The following ROBO1 variants were observed in gnomAD, a reference collection of about 807,000 sequenced individuals.
The protein encoded by ROBO1 is roundabout guidance receptor 1.
ROBO1 carries 149 observed loss-of-function variants against 195.9 expected under a neutral mutation model. The observed-to-expected ratio is 0.76, with a 90% CI of 0.67 to 0.87. ROBO1 has a LOEUF of 0.87. ROBO1 is among the 40% of genes least tolerant of loss of function. The pLI is 0.00. For synonymous variants in ROBO1, 816 were observed against 733.2 expected, an observed-to-expected ratio of 1.11 and a Z score of -1.82; for missense variants, 1,933 against 2,068.3, an observed-to-expected ratio of 0.93 and a Z score of 1.27.
chr3:79,589,675 G>T, intron 2 of ROBO1, 149 bp downstream of exon 2: 2 of 607,728 alleles, frequency 3.3e-6, no homozygotes, highest in East Asian at 2.8e-5. Context: ...AAATTGATCA[G>T]CACTCATACT....
At chr3:79,179,768 A>G (rs1165602517) in intron 2 of ROBO1, among the ~76,000 whole-genome samples, 2 of 152,222 alleles carry the variant, frequency 1.3e-5, no homozygotes, top group Non-Finnish European at 2.9e-5. Flanking sequence ...ATTACATCTG[A>G]TTATGGGAAA....
chr3:78,661,906 T>G, intron 15 of ROBO1, 87 bp downstream of exon 15: 1 of 1,404,430 alleles, frequency 7.1e-7, no homozygotes, highest in Non-Finnish European at 9.7e-7. Context: ...AATGTACAAG[T>G]AGGCAACAGA....
intron 2 of ROBO1, among the ~76,000 whole-genome samples, chr3:79,393,551 A>G (rs928817778): frequency 6.6e-6 from 1 of 152,210 alleles, no homozygotes. Context: ...TGGAATCTTC[A>G]GAAGAGAAAA....
chr3:79,402,287 A>T (rs2037396163), intron 2 of ROBO1, among the ~76,000 whole-genome samples: 1 of 151,942 alleles, frequency 6.6e-6, no homozygotes, highest in South Asian at 2.1e-4. Flanking sequence ...GCCTGTTGGT[A>T]AAAGACACTT....
At chr3:79,632,954 A>G (rs1482159627) in intron 1 of ROBO1, among the ~76,000 whole-genome samples, 4 of 152,116 alleles carry the variant, frequency 2.6e-5, no homozygotes, top group African/African-American at 7.2e-5. Flanking sequence ...ACCCAATAAG[A>G]AGCAAGAAGA....
At chr3:79,406,655 G>T (rs1255212227) in intron 2 of ROBO1, among the ~76,000 whole-genome samples, 3 of 151,788 alleles carry the variant, frequency 2.0e-5, no homozygotes, top group Admixed American at 1.3e-4. Context: ...AAGATAAGGT[G>T]TTTCAGCCAC....
At chr3:79,050,156 C>T (rs555338154) in intron 3 of ROBO1, among the ~76,000 whole-genome samples, 36 of 152,158 alleles carry the variant, frequency 2.4e-4, no homozygotes, top group Middle Eastern at 3.4e-3. Flanking sequence ...ACCCATCTCA[C>T]GTGCAGAAAC....
intron 2 of ROBO1, among the ~76,000 whole-genome samples, chr3:79,515,121 G>A (rs1940887843): frequency 6.6e-6 from 1 of 152,154 alleles, no homozygotes; most frequent in Non-Finnish European, 1.5e-5. Context: ...GCCTGGAGAG[G>A]AGTGGCTTCA....
intron 29 of ROBO1, among the ~76,000 whole-genome samples, chr3:78,602,394 G>A (rs1703230157): frequency 6.6e-6 from 1 of 152,132 alleles, no homozygotes; most frequent in Non-Finnish European, 1.5e-5. Flanking sequence ...AAGCCAAGCG[G>A]ATGTCAACAC....
intron 2 of ROBO1, among the ~76,000 whole-genome samples, chr3:79,448,842 C>G (rs376273287): frequency 6.6e-6 from 1 of 152,080 alleles, no homozygotes; most frequent in Non-Finnish European, 1.5e-5. Flanking sequence ...AGTGAATTAC[C>G]CATCATTAAC....
chr3:79,514,211 T>C (rs886299716), intron 2 of ROBO1, among the ~76,000 whole-genome samples: 1 of 152,198 alleles, frequency 6.6e-6, no homozygotes, highest in Non-Finnish European at 1.5e-5. Context: ...CTCAACTATT[T>C]GTTTGGAAAG....
intron 5 of ROBO1, among the ~76,000 whole-genome samples, chr3:78,738,986 A>G (rs2082459392): frequency 6.6e-6 from 1 of 152,148 alleles, no homozygotes; most frequent in Admixed American, 6.5e-5. Flanking sequence ...CATAGAGAAT[A>G]TTTGTGGCAT....
At chr3:79,509,756 T>A (rs975251079) in intron 2 of ROBO1, among the ~76,000 whole-genome samples, 2 of 152,126 alleles carry the variant, frequency 1.3e-5, no homozygotes, top group Non-Finnish European at 2.9e-5. Context: ...GACTCTTCCT[T>A]AATCTTAACC....
At chr3:79,222,625 A>T (rs915711444) in intron 2 of ROBO1, among the ~76,000 whole-genome samples, 3 of 145,730 alleles carry the variant, frequency 2.1e-5, no homozygotes, top group Non-Finnish European at 4.6e-5. Flanking sequence ...AAAGATCTTT[A>T]AAAAAAAAAA....
At chr3:79,732,686 A>T (rs556829517) in intron 1 of ROBO1, among the ~76,000 whole-genome samples, 1 of 152,254 alleles carries the variant, frequency 6.6e-6, no homozygotes, top group African/African-American at 2.4e-5. Flanking sequence ...GTCTTATTTC[A>T]GTTTTAAGAA....
At chr3:79,601,955 A>G (rs370052537) in intron 1 of ROBO1, among the ~76,000 whole-genome samples, 2 of 151,964 alleles carry the variant, frequency 1.3e-5, no homozygotes, top group Non-Finnish European at 2.9e-5. Flanking sequence ...TTAGTGTCTG[A>G]ATAACTATGT....
chr3:78,723,544 A>T (rs1364544069), intron 5 of ROBO1, among the ~76,000 whole-genome samples: 1 of 152,166 alleles, frequency 6.6e-6, no homozygotes, highest in East Asian at 1.9e-4. Flanking sequence ...TTTATAGATC[A>T]TTATTATTTC....
intron 2 of ROBO1, among the ~76,000 whole-genome samples, chr3:79,303,249 C>A (rs1014584850): frequency 1.3e-5 from 2 of 150,494 alleles, no homozygotes; most frequent in African/African-American, 4.9e-5. Context: ...TAACTGCAAC[C>A]TCCACCTCCT....
At chr3:78,712,140 T>C (rs915840263) in intron 8 of ROBO1, among the ~76,000 whole-genome samples, 1 of 151,916 alleles carries the variant, frequency 6.6e-6, no homozygotes, top group African/African-American at 2.4e-5. Flanking sequence ...TGTAAGGTAA[T>C]TTATTCCCAC....
Sources: gnomAD v4.1 joint callset for allele counts (sites outside exome capture counted in the v4.1 genomes callset) on GRCh38, gnomAD v4.1.1 for gene constraint, MANE v1.5 for transcripts, NCBI Gene and HGNC (gene_info 2026-07-23, HGNC 2026-07-21) for gene names.